Variants in OR2AJ1 observed in about 807,000 individuals in gnomAD.
OR2AJ1 encodes the protein olfactory receptor family 2 subfamily AJ member 1, also known as olfactory receptor 2AJ1.
For missense variants in OR2AJ1, 280 were observed against 163.2 expected (o/e 1.72, Z -3.90); for synonymous variants, 105 against 60.3 (o/e 1.74, Z -3.44).
At chr1:247,932,944 A>C (rs1660170078) in intron 1 of OR2AJ1, among the ~76,000 whole-genome samples, 1 of 152,240 alleles carries the variant, frequency 6.6e-6, no homozygotes, top group Non-Finnish European at 1.5e-5. Flanking sequence ...TATGAAATAC[A>C]ACCTTAAAGA....
intron 1 of OR2AJ1, among the ~76,000 whole-genome samples, chr1:247,929,150 C>A (rs942786885): frequency 2.0e-5 from 3 of 152,142 alleles, no homozygotes; most frequent in African/African-American, 7.2e-5. Flanking sequence ...AGATTGTAAG[C>A]AGCTCAGATT....
chr1:247,930,858 T>A (rs944404402), intron 1 of OR2AJ1, among the ~76,000 whole-genome samples: 4 of 152,194 alleles, frequency 2.6e-5, no homozygotes, highest in African/African-American at 9.6e-5. Context: ...AAACTTAGTA[T>A]GAAATTATGT....
At chr1:247,927,760 A>G (rs1278715897) in intron 1 of OR2AJ1, among the ~76,000 whole-genome samples, 1 of 152,142 alleles carries the variant, frequency 6.6e-6, no homozygotes, top group Non-Finnish European at 1.5e-5. Flanking sequence ...CTGTATATGA[A>G]TGAGAACATG....
At chr1:247,929,807 A>T (rs1660133118) in intron 1 of OR2AJ1, among the ~76,000 whole-genome samples, 6 of 152,122 alleles carry the variant, frequency 3.9e-5, no homozygotes, top group Admixed American at 3.9e-4. Context: ...TATTTTTGGG[A>T]TATTGCATTT....
intron 1 of OR2AJ1, among the ~76,000 whole-genome samples, chr1:247,928,106 C>G (rs1332697996): frequency 2.0e-5 from 3 of 152,106 alleles, no homozygotes; most frequent in Non-Finnish European, 4.4e-5. Context: ...TTTATAATAG[C>G]TATACTAATT....
Position 247,925,430 on chromosome 1 carries a change from A to T in OR2AJ1, c.-23+262A>T, listed in dbSNP as rs183798859. 1.2e-3 allele frequency among the ~76,000 whole-genome samples: 186 copies of T among 152,318 alleles called. 2 individuals carry two copies. The highest frequency in any genetic ancestry group is 4.2e-3 in the African/African-American group (175 of 41,574). On this transcript the variant is annotated intron_variant, in intron 1 of 1. Coordinates refer to ENST00000318244, the MANE Select transcript of OR2AJ1 (RefSeq NM_001355235.2). ...TCCATGGAGGGAAGATTTACATGTAAAATCTTGGGAGAATGGAAGAAATTG... is the reference window on the plus strand; with the variant it reads ...TCCATGGAGGGAAGATTTACATGTATAATCTTGGGAGAATGGAAGAAATTG...
chr1:247,925,622 T>G (rs1411564090), intron 1 of OR2AJ1, among the ~76,000 whole-genome samples: 1 of 152,196 alleles, frequency 6.6e-6, no homozygotes, highest in African/African-American at 2.4e-5. Flanking sequence ...TTTAAAAGAA[T>G]GTGACCTAGC....
At chr1:247,925,507 C>T (rs1382622896) in intron 1 of OR2AJ1, among the ~76,000 whole-genome samples, 1 of 152,076 alleles carries the variant, frequency 6.6e-6, no homozygotes, top group Non-Finnish European at 1.5e-5. Flanking sequence ...AATAATCCAA[C>T]TTATGAAAAA....
At position 247,934,605 on chromosome 1, in the gene OR2AJ1, G is replaced by T. The variant is rs763027223; in HGVS notation, c.837G>T (p.Thr279=). The T allele has an allele frequency of 2.8e-6, 2 of 717,630 alleles. No individual in the cohort carries two copies. The highest frequency in any genetic ancestry group is 1.7e-5 in the African/African-American group (1 of 57,190). The allele number at this position is 717,630 out of a possible 1,614,324, so 44.5% of individuals were successfully genotyped here. A position where few individuals can be genotyped will look rare whatever the true frequency, so the allele number is the denominator to read the frequency against. The change falls in exon 2 of 2, where the codon ACG becomes ACT. Residue 279 remains threonine, a synonymous_variant. Transcript: ENST00000318244. ...ATAAGTTCCTGGCAATATTCTATAC[G>T]ATCCTCACACCCACACTCAACCCTT... The part of the protein sequence containing the change: ...GQDKFLAIFY[T]ILTPTLNPFI...
intron 1 of OR2AJ1, 142 bp from the exon 2 acceptor site, chr1:247,933,605 C>G (rs1348015332): frequency 2.2e-6 from 1 of 452,782 alleles, no homozygotes; most frequent in Non-Finnish European, 3.9e-6. Flanking sequence ...CATGCCCACT[C>G]CAAAAACTGG....
chr1:247,930,896 ATTTC>A (rs1395894379), intron 1 of OR2AJ1, among the ~76,000 whole-genome samples: 6 of 152,158 alleles, frequency 3.9e-5, no homozygotes, highest in Non-Finnish European at 8.8e-5. Context: ...GTCACTCTAT[ATTTC>A]TTTCTCTATA....
At chr1:247,926,345 C>T (rs576848946) in intron 1 of OR2AJ1, among the ~76,000 whole-genome samples, 5 of 152,278 alleles carry the variant, frequency 3.3e-5, no homozygotes, top group South Asian at 2.1e-4. Context: ...ACTACATTAA[C>T]ACACGATAAT....
chr1:247,934,417 T>G lies in OR2AJ1; in HGVS notation c.649T>G (p.Ser217Ala), dbSNP rs1660193844. Reference protein sequence around the residue: ...LLIPFSLISASYGQIILTVLQ... With the variant: ...LLIPFSLISAAYGQIILTVLQ... ...GATCCCTTTCTCCTTGATCTCTGCT[T>G]CTTATGGCCAAATTATTCTTACTGT... The change falls in exon 2 of 2, where the codon TCT becomes GCT. Residue 217 changes from serine to alanine, a missense_variant. By Grantham distance (99) the Ser-to-Ala change is moderately conservative (BLOSUM62 1). Coordinates refer to ENST00000318244, the MANE Select transcript of OR2AJ1 (RefSeq NM_001355235.2). The G allele has an allele frequency of 1.4e-6, 1 of 717,606 alleles. No homozygotes were observed. Among genetic ancestry groups the G allele is most frequent in the South Asian group, 1.5e-5 (1 of 67,618 alleles). The allele number at this position is 717,606 out of a possible 1,614,324, so 44.5% of individuals were successfully genotyped here.
At chr1:247,929,149 G>C (rs1207015503) in intron 1 of OR2AJ1, among the ~76,000 whole-genome samples, 1 of 152,126 alleles carries the variant, frequency 6.6e-6, no homozygotes, top group Non-Finnish European at 1.5e-5. Context: ...GAGATTGTAA[G>C]CAGCTCAGAT....
chr1:247,931,450 T>G (rs1460445906), intron 1 of OR2AJ1, among the ~76,000 whole-genome samples: 1 of 152,172 alleles, frequency 6.6e-6, no homozygotes, highest in African/African-American at 2.4e-5. Context: ...TGGGAGTATA[T>G]TTCAGATCCC....
intron 1 of OR2AJ1, among the ~76,000 whole-genome samples, chr1:247,929,009 C>G (rs980385742): frequency 6.6e-6 from 1 of 152,044 alleles, no homozygotes; most frequent in East Asian, 1.9e-4. Flanking sequence ...TTATAGGAAT[C>G]CCTTAAATCA....
intron 1 of OR2AJ1, among the ~76,000 whole-genome samples, chr1:247,932,213 T>A (rs1208397610): frequency 6.6e-6 from 1 of 152,204 alleles, no homozygotes. Flanking sequence ...TAGTGGTGCC[T>A]GTATTCCAAG....
chr1:247,925,605 T>G (rs576877615), intron 1 of OR2AJ1, among the ~76,000 whole-genome samples: 41 of 152,344 alleles, frequency 2.7e-4, no homozygotes, highest in Non-Finnish European at 5.0e-4. Context: ...TATGAATTTT[T>G]TTTAAATTTA....
chr1:247,925,199 C>T (rs1261531952), intron 1 of OR2AJ1, 31 bp downstream of exon 1: 1 of 152,644 alleles, frequency 6.6e-6, no homozygotes, highest in Admixed American at 6.5e-5. Flanking sequence ...AGATGGGTAC[C>T]CCGGGAGGAC....
Sources: allele counts gnomAD v4.1 joint callset (sites outside exome capture counted in the v4.1 genomes callset), GRCh38; gene constraint gnomAD v4.1.1; transcripts MANE v1.5; gene names NCBI Gene and HGNC (gene_info 2026-07-23, HGNC 2026-07-21).